CNTNAP2: variants seen among roughly 807,000 people sequenced by gnomAD.
CNTNAP2 encodes the protein contactin associated protein 2.
Under a neutral mutation model 155.2 loss-of-function variants are expected in CNTNAP2, and 98 were observed. The ratio of observed to expected loss-of-function variants is 0.63; its 90% confidence interval spans 0.54 to 0.75. The LOEUF (loss-of-function observed/expected upper bound fraction) is 0.75. Among genes scored for constraint, CNTNAP2 ranks in the 30% least tolerant of loss-of-function variants. The pLI, the probability that CNTNAP2 is intolerant of heterozygous loss-of-function variation, is 0.00. For synonymous variants in CNTNAP2, 651 were observed against 631.2 expected (o/e 1.03, Z -0.47); for missense variants, 1,727 against 1,688.1 (o/e 1.02, Z -0.40).
intron 3 of CNTNAP2, among the ~76,000 whole-genome samples, chr7:146,911,564 C>G (rs185981809): frequency 1.2e-3 from 173 of 149,712 alleles, no homozygotes; most frequent in African/African-American, 3.3e-3. Flanking sequence ...GAACAAAAAA[C>G]CAAACACCGT....
intron 11 of CNTNAP2, among the ~76,000 whole-genome samples, chr7:147,553,572 C>T (rs1584808913): frequency 6.6e-6 from 1 of 152,080 alleles, no homozygotes; most frequent in Non-Finnish European, 1.5e-5. Flanking sequence ...CATGCCTGCC[C>T]CATGTATTAC....
chr7:146,830,759 T>C (rs1482709082), intron 2 of CNTNAP2, among the ~76,000 whole-genome samples: 1 of 152,290 alleles, frequency 6.6e-6, no homozygotes, highest in East Asian at 1.9e-4. Flanking sequence ...TGTTATCCTA[T>C]TAGGTTTCTT....
At chr7:148,298,178 C>T (rs996704019) in intron 21 of CNTNAP2, among the ~76,000 whole-genome samples, 7 of 152,134 alleles carry the variant, frequency 4.6e-5, no homozygotes, top group Non-Finnish European at 7.3e-5. Context: ...TGATCTAACT[C>T]CAAGTCCAAC....
intron 15 of CNTNAP2, among the ~76,000 whole-genome samples, chr7:148,083,415 A>C (rs1283443348): frequency 1.3e-5 from 2 of 152,278 alleles, no homozygotes; most frequent in African/African-American, 4.8e-5. Context: ...GGAGAAAACG[A>C]GGCAGGAATG....
chr7:147,827,906 C>T (rs1021645219), intron 13 of CNTNAP2, among the ~76,000 whole-genome samples: 35 of 152,054 alleles, frequency 2.3e-4, no homozygotes, highest in Non-Finnish European at 2.4e-4. Context: ...AGAAATTCTA[C>T]AAGAAAGGAG....
intron 15 of CNTNAP2, among the ~76,000 whole-genome samples, chr7:148,084,879 A>G (rs1803691466): frequency 6.6e-6 from 1 of 152,228 alleles, no homozygotes; most frequent in Non-Finnish European, 1.5e-5. Context: ...TATCAAGTGT[A>G]ATGGGAAAAC....
chr7:148,338,903 A>G (rs1416264744), intron 21 of CNTNAP2, among the ~76,000 whole-genome samples: 1 of 152,162 alleles, frequency 6.6e-6, no homozygotes, highest in Non-Finnish European at 1.5e-5. Flanking sequence ...ATTACACAGG[A>G]CGTAACCTGT....
At chr7:146,991,610 A>G (rs949664777) in intron 3 of CNTNAP2, among the ~76,000 whole-genome samples, 5 of 152,176 alleles carry the variant, frequency 3.3e-5, no homozygotes, top group African/African-American at 1.2e-4. Flanking sequence ...ATAGGAGTGG[A>G]TTTACAAATT....
chr7:147,887,962 G>T (rs1799628056), intron 13 of CNTNAP2, among the ~76,000 whole-genome samples: 1 of 152,192 alleles, frequency 6.6e-6, no homozygotes, highest in Admixed American at 6.6e-5. Context: ...ATATTTTAAA[G>T]AGGTCCCAGA....
chr7:148,317,897 G>C (rs182569496), intron 21 of CNTNAP2, among the ~76,000 whole-genome samples: 55 of 152,074 alleles, frequency 3.6e-4, no homozygotes, highest in South Asian at 8.3e-4. Context: ...GATTCACCAT[G>C]GTCTCAATCT....
chr7:148,032,517 A>G (rs1299936425), intron 15 of CNTNAP2, among the ~76,000 whole-genome samples: 1 of 152,182 alleles, frequency 6.6e-6, no homozygotes, highest in African/African-American at 2.4e-5. Flanking sequence ...AGATCTCAAA[A>G]TCAGAGGAAA....
At chr7:148,322,259 C>A (rs1247587119) in intron 21 of CNTNAP2, among the ~76,000 whole-genome samples, 1 of 152,152 alleles carries the variant, frequency 6.6e-6, no homozygotes, top group African/African-American at 2.4e-5. Context: ...GAGGAACCAT[C>A]AAGAAAGAAA....
chr7:147,508,871 A>G (rs996744408), intron 11 of CNTNAP2, among the ~76,000 whole-genome samples: 3 of 152,216 alleles, frequency 2.0e-5, no homozygotes, highest in African/African-American at 7.2e-5. Flanking sequence ...CTGTGAGTCC[A>G]TTAAACCTCT....
At chr7:147,280,158 T>C (rs573627140) in intron 8 of CNTNAP2, among the ~76,000 whole-genome samples, 2 of 152,046 alleles carry the variant, frequency 1.3e-5, no homozygotes, top group East Asian at 1.9e-4. Context: ...GGAAAGCCGC[T>C]GTTTAAACAA....
At chr7:148,286,431 T>C (rs368291416) in intron 21 of CNTNAP2, among the ~76,000 whole-genome samples, 155 of 152,262 alleles carry the variant, frequency 1.0e-3, no homozygotes, top group African/African-American at 3.7e-3. Flanking sequence ...CTGGTTAATA[T>C]GGGAAGTGCA....
intron 1 of CNTNAP2, among the ~76,000 whole-genome samples, chr7:146,619,985 T>C (rs371709552): frequency 5.3e-5 from 8 of 152,346 alleles, no homozygotes; most frequent in Admixed American, 1.3e-4. Context: ...AAACTTACGT[T>C]CTCACAACAG....
chr7:146,706,734 TA>T (rs879057164), intron 1 of CNTNAP2, among the ~76,000 whole-genome samples: 1 of 151,828 alleles, frequency 6.6e-6, no homozygotes, highest in Non-Finnish European at 1.5e-5. Flanking sequence ...CATGGACACA[TA>T]AAGGGGAACA....
chr7:147,224,837 GA>G (rs1362829818), intron 8 of CNTNAP2, among the ~76,000 whole-genome samples: 4 of 152,036 alleles, frequency 2.6e-5, no homozygotes, highest in Admixed American at 1.3e-4. Context: ...CCTCTACAAT[GA>G]AACATATTAA....
At chr7:146,706,917 TAAAA>T (rs778959277) in intron 1 of CNTNAP2, among the ~76,000 whole-genome samples, 6 of 126,752 alleles carry the variant, frequency 4.7e-5, no homozygotes, top group African/African-American at 1.3e-4. Context: ...ACTTAAAAGT[TAAAA>T]AAAAAAAAAA....
Sources: gnomAD v4.1 joint callset for allele counts (sites outside exome capture counted in the v4.1 genomes callset) on GRCh38, gnomAD v4.1.1 for gene constraint, MANE v1.5 for transcripts, NCBI Gene and HGNC (gene_info 2026-07-23, HGNC 2026-07-21) for gene names.